WNK2: variants seen among roughly 807,000 people sequenced by gnomAD.
WNK2 encodes the protein WNK lysine deficient protein kinase 2.
In WNK2, 67 loss-of-function variants were observed where a neutral mutation model predicts 192.1. That is an observed-to-expected ratio of 0.35 (90% CI 0.29 to 0.43). WNK2 has a LOEUF of 0.43. WNK2 is among the 20% of genes least tolerant of loss of function. WNK2 has a pLI of 1.00. For synonymous variants in WNK2, 1,439 were observed against 1,393.9 expected (o/e 1.03, Z -0.72); for missense variants, 2,698 against 3,089.7 (o/e 0.87, Z 3.01).
Position 93,288,818 on chromosome 9 carries a change from C to G in WNK2, c.4064C>G (p.Ser1355Trp), listed in dbSNP as rs41296061. 1 of 1,612,092 alleles carries G rather than the reference C, an allele frequency of 6.2e-7. No individual in the cohort carries two copies. Among genetic ancestry groups the G allele is most frequent in the East Asian group, 2.2e-5 (1 of 44,862 alleles). Residue 1355 changes from serine (S) to tryptophan (W), a missense_variant, in exon 20 of 30, where the codon TCG (serine) becomes TGG (tryptophan). Coordinates refer to ENST00000427277, the MANE Select transcript of WNK2 (RefSeq NM_006648.4). The part of the protein sequence containing the change: ...DSAPYKDQLS[S>W]KEQPSFLASQ... The stretch of plus-strand genomic sequence containing the variant: ...GCGCCCTATAAAGACCAGCTGTCCT[C>G]GAAGGAACAACCCAGCTTTCTAGCC...
chr9:93,229,884 T>C lies in WNK2; in HGVS notation c.854+16T>C. ...CGCTGAAGACGTAAGCTCCGCTTCC[T>C]GAGGGCTGGGGCGGGTCCTGGCATG... On this transcript the variant is annotated intron_variant, in intron 3 of 29. Transcript: ENST00000427277. The surrounding 1 kb of genome is among the most constrained non-coding windows in gnomAD (Gnocchi z 4.9). 6.2e-7 allele frequency: 1 copy of C among 1,610,718 alleles called. No individual in the cohort carries two copies. The highest frequency in any genetic ancestry group is 8.5e-7 in the Non-Finnish European group (1 of 1,177,964).
At chr9:93,306,939 C>T (rs1363261106) in intron 27 of WNK2, 118 bp downstream of exon 27, 25 of 1,291,732 alleles carry the variant, frequency 1.9e-5, no homozygotes, top group East Asian at 1.9e-4. Flanking sequence ...GCCTGCCCCG[C>T]GCCTGCTCCA....
At chr9:93,190,455 A>G (rs1830136804) in intron 2 of WNK2, among the ~76,000 whole-genome samples, 1 of 152,224 alleles carries the variant, frequency 6.6e-6, no homozygotes, top group African/African-American at 2.4e-5. Flanking sequence ...ACTCGAGCGT[A>G]CCTGTGCTGC....
At chr9:93,206,590 C>T (rs534904215) in intron 2 of WNK2, among the ~76,000 whole-genome samples, 3 of 90,384 alleles carry the variant, frequency 3.3e-5, no homozygotes, top group East Asian at 3.3e-4. Context: ...GTGGTGGCTG[C>T]GTGACTGGGG....
In WNK2 at chr9:93,261,993, T is replaced by A; in HGVS notation, c.3246T>A (p.Ser1082Arg). 6.2e-7 allele frequency: 1 copy of A among 1,611,814 alleles called. No homozygotes were observed. Among genetic ancestry groups the A allele is most frequent in the African/African-American group, 1.3e-5 (1 of 74,988 alleles). Residue 1082 changes from serine (S) to arginine (R), a missense_variant, in exon 13 of 30, where the codon AGT becomes AGA. This residue lies in a region of WNK2 where 893 missense variants were observed against 909.0 expected (regional missense o/e 0.98). Transcript: ENST00000427277. ...SLATVSASVQSVPTQTATLLP... is the reference protein window; with the variant it reads ...SLATVSASVQRVPTQTATLLP... The stretch of plus-strand genomic sequence containing the variant: ...CCACGGTGTCTGCCTCTGTGCAGAG[T>A]GTGCCCACCCAGACTGCCACACTTC...
rs760485188 is a variant in WNK2 at position 93,292,288 on chromosome 9, C to T, written c.4937-20C>T. 6.8e-6 allele frequency: 11 copies of T among 1,613,158 alleles called. No homozygotes were observed. In the East Asian group the frequency reaches 8.9e-5, roughly 13 times the overall value. On this transcript the variant is annotated intron_variant, in intron 21 of 29. Coordinates refer to ENST00000427277, the MANE Select transcript of WNK2 (RefSeq NM_006648.4). ...CTTCCTCCTCCTTCAGCCCCAGTAA[C>T]GTTTCTGATGTTCCCATAGCAGAGT...
Position 93,262,706 on chromosome 9 carries a change from C to G in WNK2, c.3397C>G (p.Gln1133Glu). 1 of 1,612,372 alleles carries G rather than the reference C, an allele frequency of 6.2e-7. No homozygotes were observed. Among genetic ancestry groups the G allele is most frequent in the Non-Finnish European group, 8.5e-7 (1 of 1,179,888 alleles). ...ASQDKPPGLP[Q>E]SCESYGGSDV... Reference sequence around the variant, plus strand: ...ACAGGACAAGCCGCCCGGCCTCCCGCAGAGCTGTGAGAGGTAGTGTGGCCC... The same window carrying G: ...ACAGGACAAGCCGCCCGGCCTCCCGGAGAGCTGTGAGAGGTAGTGTGGCCC... The change falls in exon 14 of 30, where the codon CAG becomes GAG. Residue 1133 changes from glutamine to glutamate, a missense_variant. Transcript: ENST00000427277.
intron 19 of WNK2, among the ~76,000 whole-genome samples, chr9:93,271,822 G>A (rs1370063442): frequency 1.3e-5 from 2 of 152,238 alleles, no homozygotes; most frequent in Admixed American, 6.5e-5. Flanking sequence ...TAGAAGCTAA[G>A]CAGACCCCAA....
At chr9:93,293,836 C>G (rs1047767488) in intron 23 of WNK2, among the ~76,000 whole-genome samples, 1 of 152,006 alleles carries the variant, frequency 6.6e-6, no homozygotes, top group African/African-American at 2.4e-5. Flanking sequence ...CTCCTTCTCT[C>G]TCTCTCTCCC....
chr9:93,309,872 C>T (rs886707720), intron 28 of WNK2, among the ~76,000 whole-genome samples: 17 of 152,162 alleles, frequency 1.1e-4, no homozygotes, highest in Admixed American at 1.0e-3. Flanking sequence ...AGCTGCATCC[C>T]AAAAGTATGT....
chr9:93,236,335 C>T (rs1021222613), intron 5 of WNK2, among the ~76,000 whole-genome samples: 2 of 152,138 alleles, frequency 1.3e-5, no homozygotes, highest in African/African-American at 4.8e-5. Context: ...AGGTTCTTCA[C>T]TCCTGTGTCT....
At chr9:93,208,856 C>T (rs1258593779) in intron 2 of WNK2, among the ~76,000 whole-genome samples, 1 of 65,324 alleles carries the variant, frequency 1.5e-5, no homozygotes, top group Admixed American at 1.8e-4. Context: ...CATGTGTCTT[C>T]CGTGTGTACA....
At chr9:93,305,185 C>T (rs767270441) in intron 26 of WNK2, among the ~76,000 whole-genome samples, 6 of 152,244 alleles carry the variant, frequency 3.9e-5, no homozygotes, top group Admixed American at 6.5e-5. Context: ...CACAGAGCAG[C>T]TTTTTGAAGC....
intron 5 of WNK2, among the ~76,000 whole-genome samples, chr9:93,237,623 G>A (rs143801502): frequency 4.5e-4 from 69 of 152,260 alleles, no homozygotes; most frequent in African/African-American, 1.6e-3. Flanking sequence ...TCTGTTGGCT[G>A]GCTTTTCTGC....
chr9:93,297,663 G>T (rs1034298886), intron 23 of WNK2, among the ~76,000 whole-genome samples, 190 bp from the exon 24 acceptor site: 2 of 152,216 alleles, frequency 1.3e-5, no homozygotes, highest in African/African-American at 4.8e-5. Context: ...GGACCTCCCC[G>T]TTTAGATATG....
At chr9:93,243,452 C>T (rs951556097) in intron 7 of WNK2, among the ~76,000 whole-genome samples, 3 of 152,138 alleles carry the variant, frequency 2.0e-5, no homozygotes, top group Non-Finnish European at 4.4e-5. Flanking sequence ...CCCCTTGGCC[C>T]GAGCACCTTC....
chr9:93,209,693 C>T (rs1834136204), intron 2 of WNK2, among the ~76,000 whole-genome samples: 1 of 152,182 alleles, frequency 6.6e-6, no homozygotes, highest in Non-Finnish European at 1.5e-5. Context: ...ACTAGGACCT[C>T]TGAGCCAGGC....
chr9:93,192,578 G>A lies in WNK2; in HGVS notation c.681+6968G>A, dbSNP rs115495995. On this transcript the variant is annotated intron_variant, in intron 2 of 29. Transcript: ENST00000427277. ...GAGTGCAGGGATGGGCCAGGACTGT[G>A]TCTCGGGGGGCCAAGAGGGAGGAGC... Among the ~76,000 whole-genome samples, 1,330 of 152,232 alleles carry A rather than the reference G, an allele frequency of 8.7e-3. 23 individuals are homozygous for A. The highest frequency in any genetic ancestry group is 0.029 in the African/African-American group (1,210 of 41,534).
At chr9:93,253,309 A>G (rs561899115) in intron 9 of WNK2, among the ~76,000 whole-genome samples, 88 of 151,782 alleles carry the variant, frequency 5.8e-4, no homozygotes, top group South Asian at 1.7e-3. Context: ...CTGCTGGCCG[A>G]GTAGCCCTGA....
Sources: gnomAD v4.1 joint callset for allele counts (sites outside exome capture counted in the v4.1 genomes callset) on GRCh38, gnomAD v4.1.1 for gene constraint, gnomAD v4.1.1 regional missense constraint, Gnocchi (gnomAD v3.1) non-coding constraint, MANE v1.5 for transcripts, NCBI Gene and HGNC (gene_info 2026-07-23, HGNC 2026-07-21) for gene names.